RPS6KA5: variants seen among roughly 807,000 people sequenced by gnomAD.
RPS6KA5 encodes the protein ribosomal protein S6 kinase A5, also known as ribosomal protein S6 kinase alpha-5.
In RPS6KA5, 27 loss-of-function variants were observed where a neutral mutation model predicts 85.5. The ratio of observed to expected loss-of-function variants is 0.32; its 90% CI spans 0.23 to 0.44. RPS6KA5 has a LOEUF of 0.44. Ranked by LOEUF, RPS6KA5 falls within the 20% of genes least tolerant of loss-of-function variation. The pLI is 1.00. For synonymous variants in RPS6KA5, 334 were observed against 348.2 expected, an observed-to-expected ratio of 0.96 and a Z score of 0.46; for missense variants, 811 against 980.9, an observed-to-expected ratio of 0.83 and a Z score of 2.31.
intron 2 of RPS6KA5, among the ~76,000 whole-genome samples, chr14:90,990,533 C>T (rs1297219518): frequency 6.6e-6 from 1 of 152,186 alleles, no homozygotes; most frequent in Non-Finnish European, 1.5e-5. Flanking sequence ...TGGGTATATA[C>T]ACAAAGGAAT....
At chr14:90,995,980 C>T (rs984666040) in intron 2 of RPS6KA5, among the ~76,000 whole-genome samples, 5 of 152,080 alleles carry the variant, frequency 3.3e-5, no homozygotes, top group African/African-American at 9.7e-5. Context: ...CAGCTACTCA[C>T]GAGGTGGAAG....
intron 12 of RPS6KA5, among the ~76,000 whole-genome samples, chr14:90,898,795 GA>G (rs1304491299): frequency 6.6e-6 from 1 of 152,258 alleles, no homozygotes; most frequent in African/African-American, 2.4e-5. Flanking sequence ...GAGAGCAGAA[GA>G]GGGGGCAGCA....
At position 90,862,367 on chromosome 14, in the gene RPS6KA5, T is replaced by A. The variant is rs2032598372; in HGVS notation, c.*9707A>T. 6.6e-6 allele frequency: 1 copy of A among 152,102 alleles called. No individual in the cohort carries two copies. The highest frequency in any genetic ancestry group is 1.5e-5 in the Non-Finnish European group (1 of 68,020). 9.4% of individuals were successfully genotyped at this position (152,102 alleles called of 1,614,324 possible). ...CAACTTTTTTTTTATGAGGCCAGAA[T>A]AATCTTGATACCAAAACTTGACAAA... On this transcript the variant is annotated 3_prime_UTR_variant, in exon 17 of 17. Coordinates refer to ENST00000614987, the MANE Select transcript of RPS6KA5 (RefSeq NM_004755.4).
At chr14:91,060,128 GA>G (rs930489123) in intron 1 of RPS6KA5, 2 of 985,016 alleles carry the variant, frequency 2.0e-6, no homozygotes, top group Admixed American at 6.2e-5. Context: ...CCGGGCTGGG[GA>G]AAACTTTCGG....
At chr14:90,943,056 C>T in intron 5 of RPS6KA5, 22 bp downstream of exon 5, 1 of 1,373,784 alleles carries the variant, frequency 7.3e-7, no homozygotes, top group South Asian at 1.2e-5. Flanking sequence ...TTATTACTAA[C>T]TTCAAATTAA....
At position 90,873,503 on chromosome 14, in the gene RPS6KA5, C is replaced by T. The variant is rs573441139; in HGVS notation, c.2160+129G>A. The stretch of plus-strand genomic sequence containing the variant: ...CATGAAGCAATTTATAAAAACATAC[C>T]TAAAAGTAAAAGGACACATATTATT... On this transcript the variant is annotated intron_variant, in intron 16 of 16. Transcript: ENST00000614987. 6.9e-6 allele frequency: 6 copies of T among 865,898 alleles called. No homozygotes were observed. The South Asian group carries it at 1.3e-4, about 18-fold the overall frequency. 53.6% of individuals were successfully genotyped at this position (865,898 alleles called of 1,614,324 possible).
rs778022585 is a variant in RPS6KA5 at position 90,859,453 on chromosome 14, A to C, written c.*12621T>G. ...AAGAGTTTTAAAATTACTTTGATTA[A>C]TGTGTTCAAGAATATAGAGGAAAAG... On this transcript the variant is annotated 3_prime_UTR_variant, in exon 17 of 17. Transcript: ENST00000614987. 3.9e-5 allele frequency: 6 copies of C among 152,194 alleles called. No homozygotes were observed. The highest frequency in any genetic ancestry group is 7.4e-5 in the Non-Finnish European group (5 of 68,026). 9.4% of individuals were successfully genotyped at this position (152,194 alleles called of 1,614,324 possible). A position where few individuals can be genotyped will look rare whatever the true frequency, so the allele number is the denominator to read the frequency against.
intron 7 of RPS6KA5, among the ~76,000 whole-genome samples, chr14:90,910,147 C>T (rs1464380754): frequency 6.6e-6 from 1 of 152,018 alleles, no homozygotes; most frequent in African/African-American, 2.4e-5. Flanking sequence ...GGGAAACCAG[C>T]TGTACAGGAA....
chr14:90,949,987 G>T (rs1197220623), intron 3 of RPS6KA5, among the ~76,000 whole-genome samples: 1 of 152,186 alleles, frequency 6.6e-6, no homozygotes, highest in Non-Finnish European at 1.5e-5. Flanking sequence ...TGTATACTTT[G>T]TAAGTTGTAC....
At chr14:90,879,743 G>A (rs905334472) in intron 14 of RPS6KA5, among the ~76,000 whole-genome samples, 1 of 151,586 alleles carries the variant, frequency 6.6e-6, no homozygotes, top group Non-Finnish European at 1.5e-5. Context: ...TTCGCTTTCC[G>A]GGGAACACAG....
chr14:90,875,453 C>T (rs2033396979), intron 14 of RPS6KA5, 93 bp from the exon 15 acceptor site: 4 of 1,112,656 alleles, frequency 3.6e-6, no homozygotes. Context: ...GTGTAATTTA[C>T]CAATTGCTAC....
At chr14:90,889,216 TC>T (rs1214740729) in intron 14 of RPS6KA5, among the ~76,000 whole-genome samples, 2 of 140,730 alleles carry the variant, frequency 1.4e-5, no homozygotes, top group Non-Finnish European at 3.0e-5. Flanking sequence ...ATCGCTTGAA[TC>T]CGGGAGGCGG....
At chr14:91,009,193 C>A (rs2041156309) in intron 1 of RPS6KA5, among the ~76,000 whole-genome samples, 1 of 152,172 alleles carries the variant, frequency 6.6e-6, no homozygotes, top group Non-Finnish European at 1.5e-5. Context: ...GGTGGGGCCA[C>A]TGGAAAGTGA....
At chr14:90,908,410 C>T (rs993535818) in intron 7 of RPS6KA5, among the ~76,000 whole-genome samples, 6 of 152,158 alleles carry the variant, frequency 3.9e-5, no homozygotes, top group Non-Finnish European at 8.8e-5. Context: ...AGTGAAAATC[C>T]TATGGCCAGA....
intron 12 of RPS6KA5, among the ~76,000 whole-genome samples, chr14:90,897,528 G>A (rs1431752408): frequency 6.6e-6 from 1 of 152,066 alleles, no homozygotes; most frequent in Non-Finnish European, 1.5e-5. Context: ...CTGGATACAG[G>A]GATGATCTAG....
intron 1 of RPS6KA5, among the ~76,000 whole-genome samples, chr14:91,022,148 G>C (rs2041812662): frequency 6.6e-6 from 1 of 152,206 alleles, no homozygotes; most frequent in Admixed American, 6.5e-5. Flanking sequence ...GCCTTATTCA[G>C]TTGACTTGTA....
At position 90,870,859 on chromosome 14, in the gene RPS6KA5, T is replaced by C. The variant is rs1310077330; in HGVS notation, c.*1215A>G. 1 of 145,268 alleles carries C rather than the reference T, an allele frequency of 6.9e-6. No individual in the cohort carries two copies. Among genetic ancestry groups the C allele is most frequent in the Non-Finnish European group, 1.5e-5 (1 of 66,742 alleles). 9.0% of individuals were successfully genotyped at this position (145,268 alleles called of 1,614,324 possible). ...GGAACGAATTAATTGTATTTTTAAA[T>C]GCAGCAATCTTTTAATGAAATGTTT... On this transcript the variant is annotated 3_prime_UTR_variant, in exon 17 of 17. Transcript: ENST00000614987.
At chr14:91,010,014 T>C (rs1301488740) in intron 1 of RPS6KA5, among the ~76,000 whole-genome samples, 1 of 149,580 alleles carries the variant, frequency 6.7e-6, no homozygotes, top group Non-Finnish European at 1.5e-5. Flanking sequence ...TGAGACACTC[T>C]AATTTGGTTA....
intron 1 of RPS6KA5, among the ~76,000 whole-genome samples, chr14:91,057,286 C>T (rs2043362744): frequency 6.6e-6 from 1 of 152,180 alleles, no homozygotes; most frequent in Non-Finnish European, 1.5e-5. Flanking sequence ...TTTACAGTCA[C>T]TGTCATCCAC....
Sources: allele counts gnomAD v4.1 joint callset (sites outside exome capture counted in the v4.1 genomes callset), GRCh38; gene constraint gnomAD v4.1.1; transcripts MANE v1.5; gene names NCBI Gene and HGNC (gene_info 2026-07-23, HGNC 2026-07-21).